The following ENTREP2 variants were observed in gnomAD, a reference collection of about 807,000 sequenced individuals.
The protein encoded by ENTREP2 is endosomal transmembrane epsin interactor 2.
At chr15:29,540,176 A>G in the ENTREP2 span, among the ~76,000 whole-genome samples, 3 of 152,248 alleles carry the variant, frequency 2.0e-5, no homozygotes, top group Non-Finnish European at 4.4e-5. Flanking sequence ...AAGACAGGCC[A>G]ATGTATTGAA....
At chr15:29,182,242 A>G in the ENTREP2 span, among the ~76,000 whole-genome samples, 3 of 151,474 alleles carry the variant, frequency 2.0e-5, no homozygotes, top group Non-Finnish European at 2.9e-5. Context: ...CTCCTGCCTC[A>G]GCCTCCCAAG....
chr15:29,308,462 T>G, the ENTREP2 span, among the ~76,000 whole-genome samples: 6 of 152,156 alleles, frequency 3.9e-5, no homozygotes, highest in African/African-American at 1.4e-4. Context: ...AAGCAGAGAC[T>G]CGGCACAGTG....
the ENTREP2 span, among the ~76,000 whole-genome samples, chr15:29,223,911 G>A: frequency 6.6e-6 from 1 of 152,152 alleles, no homozygotes; most frequent in Admixed American, 6.5e-5. Flanking sequence ...ATGAAGTAAA[G>A]TCTGAAGCTT....
the ENTREP2 span, among the ~76,000 whole-genome samples, chr15:29,336,548 T>G: frequency 6.6e-6 from 1 of 152,154 alleles, no homozygotes; most frequent in Non-Finnish European, 1.5e-5. Context: ...TGAGCTCATG[T>G]GATCCTCCTG....
chr15:29,284,556 C>CAAAAAAAA, the ENTREP2 span, among the ~76,000 whole-genome samples: 1 of 125,488 alleles, frequency 8.0e-6, no homozygotes, highest in Non-Finnish European at 1.6e-5. Context: ...GACTCCATCT[C>CAAAAAAAA]AAAAAAAAAA....
chr15:29,438,267 C>T, the ENTREP2 span, among the ~76,000 whole-genome samples: 842 of 152,340 alleles, frequency 5.5e-3, 10 homozygotes, highest in Non-Finnish European at 8.0e-3. Flanking sequence ...CCACAAATGA[C>T]CGCTTTACAA....
the ENTREP2 span, chr15:29,234,487 T>C: frequency 6.9e-7 from 1 of 1,452,494 alleles, no homozygotes; most frequent in Non-Finnish European, 9.7e-7. Flanking sequence ...TATCATATAT[T>C]TGTACTGAGC....
chr15:29,540,525 C>T, the ENTREP2 span, among the ~76,000 whole-genome samples: 1 of 152,232 alleles, frequency 6.6e-6, no homozygotes, highest in African/African-American at 2.4e-5. Context: ...AGAAGGAAAA[C>T]TGGCAAGTTC....
the ENTREP2 span, among the ~76,000 whole-genome samples, chr15:29,322,979 A>G: frequency 8.5e-5 from 13 of 152,250 alleles, no homozygotes; most frequent in Non-Finnish European, 1.8e-4. Context: ...ACATCTATTG[A>G]GTGATTATAG....
chr15:29,251,612 C>T, the ENTREP2 span, among the ~76,000 whole-genome samples: 1 of 151,846 alleles, frequency 6.6e-6, no homozygotes, highest in Non-Finnish European at 1.5e-5. Flanking sequence ...ATTCTTCTAA[C>T]GTGGCCCGAG....
chr15:29,645,726 T>C, the ENTREP2 span, among the ~76,000 whole-genome samples: 5 of 152,116 alleles, frequency 3.3e-5, no homozygotes, highest in African/African-American at 1.2e-4. Context: ...ACCCAGCTAC[T>C]TTTTTGTATT....
chr15:29,305,981 C>T, the ENTREP2 span, among the ~76,000 whole-genome samples: 1 of 152,226 alleles, frequency 6.6e-6, no homozygotes, highest in South Asian at 2.1e-4. Context: ...AAGGGCTGAG[C>T]AGCTCTACCG....
At chr15:29,189,444 T>TA in the ENTREP2 span, among the ~76,000 whole-genome samples, 14 of 151,686 alleles carry the variant, frequency 9.2e-5, no homozygotes, top group Non-Finnish European at 1.8e-4. Flanking sequence ...TTAACTTTCT[T>TA]AGAGACAAAG....
chr15:29,389,653 G>A, the ENTREP2 span, among the ~76,000 whole-genome samples: 4 of 152,220 alleles, frequency 2.6e-5, no homozygotes, highest in Non-Finnish European at 4.4e-5. Context: ...CCCAGGCCAA[G>A]CCCCTACCTT....
the ENTREP2 span, among the ~76,000 whole-genome samples, chr15:29,357,323 T>C: frequency 6.6e-6 from 1 of 151,752 alleles, no homozygotes; most frequent in Non-Finnish European, 1.5e-5. Context: ...ACAGAAAGTA[T>C]CCCCAGTGAA....
At chr15:29,277,843 G>GAT in the ENTREP2 span, among the ~76,000 whole-genome samples, 1 of 152,174 alleles carries the variant, frequency 6.6e-6, no homozygotes, top group Non-Finnish European at 1.5e-5. Flanking sequence ...CTAAAGTAGA[G>GAT]ATATATGCAC....
the ENTREP2 span, among the ~76,000 whole-genome samples, chr15:29,494,616 CTCA>C: frequency 4.1e-3 from 621 of 152,310 alleles, 1 homozygote; most frequent in Admixed American, 6.7e-3. Context: ...CCAAAACTAA[CTCA>C]TCGTGTAACT....
At chr15:29,303,458 T>C in the ENTREP2 span, among the ~76,000 whole-genome samples, 1 of 152,198 alleles carries the variant, frequency 6.6e-6, no homozygotes, top group Non-Finnish European at 1.5e-5. Context: ...TGGGTTTTTT[T>C]TCAGCCTTTT....
chr15:29,141,672 T>G, the ENTREP2 span, among the ~76,000 whole-genome samples: 1 of 152,208 alleles, frequency 6.6e-6, no homozygotes, highest in Non-Finnish European at 1.5e-5. Flanking sequence ...CACACACCTC[T>G]GAATTTTTCC....
Sources: gnomAD v4.1 joint callset for allele counts (sites outside exome capture counted in the v4.1 genomes callset) on GRCh38, gnomAD v4.1.1 for gene constraint, MANE v1.5 for transcripts, NCBI Gene and HGNC (gene_info 2026-07-23, HGNC 2026-07-21) for gene names.